The following KIAA0825 variants were observed in gnomAD, a reference collection of about 807,000 sequenced individuals.
KIAA0825 encodes the protein KIAA0825.
KIAA0825 carries 119 observed loss-of-function variants against 147.6 expected under a neutral mutation model. The observed-to-expected ratio is 0.81, with a 90% CI of 0.69 to 0.94. The LOEUF is 0.94. Ranked by LOEUF, KIAA0825 falls within the 40% of genes least tolerant of loss-of-function variation. KIAA0825 has a pLI of 0.00. For synonymous variants in KIAA0825, 470 were observed against 518.1 expected (o/e 0.91, Z 1.26); for missense variants, 1,381 against 1,472.7 (o/e 0.94, Z 1.02).
At chr5:94,326,773 T>C (rs1780734423) in intron 20 of KIAA0825, among the ~76,000 whole-genome samples, 1 of 152,214 alleles carries the variant, frequency 6.6e-6, no homozygotes, top group Non-Finnish European at 1.5e-5. Flanking sequence ...TTACTTTTTG[T>C]TTTTCCAAAT....
At chr5:94,406,726 C>T (rs769117876) in intron 15 of KIAA0825, among the ~76,000 whole-genome samples, 2 of 152,150 alleles carry the variant, frequency 1.3e-5, no homozygotes, top group Admixed American at 6.5e-5. Flanking sequence ...TGCTCTATTC[C>T]CAGCTCCCAT....
At chr5:94,326,297 T>C (rs1358541844) in intron 20 of KIAA0825, among the ~76,000 whole-genome samples, 1 of 152,186 alleles carries the variant, frequency 6.6e-6, no homozygotes, top group African/African-American at 2.4e-5. Context: ...CTCAGCAGCA[T>C]TTCTTTCATT....
intron 1 of KIAA0825, chr5:94,592,848 T>C (rs932642727): frequency 2.3e-5 from 13 of 573,984 alleles, no homozygotes; most frequent in Admixed American, 2.1e-4. Flanking sequence ...TCTCCTGGAC[T>C]GTGTTTCAAT....
intron 2 of KIAA0825, among the ~76,000 whole-genome samples, chr5:94,537,442 GAGA>G (rs1772280434): frequency 6.6e-6 from 1 of 152,054 alleles, no homozygotes; most frequent in Non-Finnish European, 1.5e-5. Flanking sequence ...ACGAGGTCAG[GAGA>G]TTGAGACCAT....
intron 6 of KIAA0825, among the ~76,000 whole-genome samples, chr5:94,481,567 C>T (rs1214013096): frequency 6.6e-6 from 1 of 152,028 alleles, no homozygotes; most frequent in East Asian, 1.9e-4. Context: ...AGGTGGCCAC[C>T]TTGCAAATTT....
At chr5:94,167,670 A>C (rs1768175742) in intron 20 of KIAA0825, among the ~76,000 whole-genome samples, 1 of 152,274 alleles carries the variant, frequency 6.6e-6, no homozygotes, top group South Asian at 2.1e-4. Context: ...ATATACCCAC[A>C]CTAAAAGGTC....
At chr5:94,498,911 G>T (rs900360277) in intron 5 of KIAA0825, among the ~76,000 whole-genome samples, 4 of 152,138 alleles carry the variant, frequency 2.6e-5, no homozygotes, top group African/African-American at 9.7e-5. Flanking sequence ...TCCCTTCCCT[G>T]AATTCCTAAT....
At position 94,557,752 on chromosome 5, in the gene KIAA0825, C is replaced by A. The variant is rs539269549; in HGVS notation, c.-1-20625G>T. On this transcript the variant is annotated intron_variant, in intron 2 of 20. Coordinates refer to ENST00000682413, the MANE Select transcript of KIAA0825 (RefSeq NM_001145678.3). Reference sequence around the variant, plus strand: ...GGAGGGACAATGATCCAGATATAATCCCAGGCATTCAGCCAGCAATGGCTA... The same window carrying A: ...GGAGGGACAATGATCCAGATATAATACCAGGCATTCAGCCAGCAATGGCTA... Among the ~76,000 whole-genome samples the A allele has an allele frequency of 1.1e-3, 174 of 152,344 alleles. 2 individuals are homozygous for A. The highest frequency in any genetic ancestry group is 2.1e-3 in the Admixed American group (32 of 15,308).
At chr5:94,532,673 A>G (rs1159189036) in intron 3 of KIAA0825, among the ~76,000 whole-genome samples, 1 of 150,266 alleles carries the variant, frequency 6.7e-6, no homozygotes, top group East Asian at 2.0e-4. Context: ...ACCACAGGTG[A>G]GCAACCAACC....
Position 94,541,344 on chromosome 5 carries a change from T to C in KIAA0825, c.-1-4217A>G, listed in dbSNP as rs528369659. Among the ~76,000 whole-genome samples the C allele has an allele frequency of 5.3e-5, 8 of 152,332 alleles. No individual in the cohort carries two copies. In the East Asian group the frequency reaches 1.5e-3, roughly 29 times the overall value. On this transcript the variant is annotated intron_variant, in intron 2 of 20. Coordinates refer to ENST00000682413, the MANE Select transcript of KIAA0825 (RefSeq NM_001145678.3). ...AGTCGCTAAGAGTTAACACTTAACA[T>C]GTAATTGAGACTATTGAAAAACAGT... is the stretch of plus-strand genomic sequence containing the variant.
At chr5:94,342,989 T>C (rs1026465364) in intron 20 of KIAA0825, among the ~76,000 whole-genome samples, 1 of 152,134 alleles carries the variant, frequency 6.6e-6, no homozygotes, top group Non-Finnish European at 1.5e-5. Flanking sequence ...ATATATAACA[T>C]TTATAATAGC....
rs60416738 is a variant in KIAA0825, at chr5:94,308,421, A to C, written c.3710+75947T>G. ...TATTGGTTTTAAAGATCAAGCAGCC[A>C]CTCAGTTACTGGGCTTAAAGTAAAG... On this transcript the variant is annotated intron_variant, in intron 20 of 20. Coordinates refer to ENST00000682413, the MANE Select transcript of KIAA0825 (RefSeq NM_001145678.3). 7.0e-3 allele frequency among the ~76,000 whole-genome samples: 1,067 copies of C among 151,886 alleles called. 12 individuals carry two copies. The highest frequency in any genetic ancestry group is 0.025 in the African/African-American group (1,019 of 41,506).
At chr5:94,160,460 A>G (rs1010693204) in intron 20 of KIAA0825, among the ~76,000 whole-genome samples, 2 of 149,398 alleles carry the variant, frequency 1.3e-5, no homozygotes, top group Admixed American at 6.7e-5. Flanking sequence ...ATTTCTGTAT[A>G]TATCTGCATA....
intron 20 of KIAA0825, among the ~76,000 whole-genome samples, chr5:94,383,327 T>C (rs919173276): frequency 6.6e-6 from 1 of 152,194 alleles, no homozygotes. Flanking sequence ...GCAATAAAGC[T>C]GCCTCTATAA....
intron 20 of KIAA0825, among the ~76,000 whole-genome samples, chr5:94,195,301 A>C (rs900016822): frequency 3.9e-5 from 6 of 152,336 alleles, no homozygotes; most frequent in Admixed American, 1.3e-4. Flanking sequence ...CAATCCAATA[A>C]ATTCTAATGC....
intron 19 of KIAA0825, among the ~76,000 whole-genome samples, chr5:94,385,765 T>TGTCTATGG: frequency 6.6e-6 from 1 of 152,320 alleles, no homozygotes. Flanking sequence ...TTTGGGAATG[T>TGTCTATGG]GTCTATGGTT....
intron 1 of KIAA0825, chr5:94,593,214 G>C: frequency 1.3e-6 from 1 of 758,346 alleles, no homozygotes; most frequent in South Asian, 1.3e-5. Context: ...GGCTAGAAAG[G>C]TTTGATATTA....
At chr5:94,233,498 A>AT (rs1774854511) in intron 20 of KIAA0825, among the ~76,000 whole-genome samples, 4 of 152,324 alleles carry the variant, frequency 2.6e-5, no homozygotes, top group Middle Eastern at 6.8e-3. Flanking sequence ...CTTAATTTTT[A>AT]TGAAGATGGT....
At chr5:94,616,677 G>C (rs1790597554) in intron 1 of KIAA0825, among the ~76,000 whole-genome samples, 1 of 152,170 alleles carries the variant, frequency 6.6e-6, no homozygotes, top group Non-Finnish European at 1.5e-5. Flanking sequence ...TTTGCCCCAA[G>C]TGTTATGCTA....
Sources: gnomAD v4.1 joint callset for allele counts (sites outside exome capture counted in the v4.1 genomes callset) on GRCh38, gnomAD v4.1.1 for gene constraint, MANE v1.5 for transcripts, NCBI Gene and HGNC (gene_info 2026-07-23, HGNC 2026-07-21) for gene names.